The following NR2C1 variants were observed in gnomAD, a reference collection of about 807,000 sequenced individuals.
NR2C1 encodes nuclear receptor subfamily 2 group C member 1, also known as TR2 nuclear hormone receptor.
In NR2C1, 33 loss-of-function variants were observed where a neutral mutation model predicts 74.8. The ratio of observed to expected loss-of-function variants is 0.44; its 90% CI spans 0.33 to 0.59. NR2C1 has a LOEUF of 0.59. Among genes scored for constraint, NR2C1 ranks in the 20% least tolerant of loss-of-function variants. The pLI is 0.02. For missense variants in NR2C1, 568 were observed against 715.6 expected (o/e 0.79, Z 2.35); for synonymous variants, 225 against 240.6 (o/e 0.94, Z 0.60).
intron 1 of NR2C1, chr12:95,072,576 G>A (rs1400664078): frequency 1.3e-5 from 2 of 152,000 alleles, no homozygotes; most frequent in African/African-American, 2.4e-5. Flanking sequence ...AACCCTAAAG[G>A]CCGTAATTTT....
rs1159755483 is a variant in NR2C1, at chr12:95,020,899, T to C, written c.*1330A>G. 4 of 152,218 alleles carry C rather than the reference T, an allele frequency of 2.6e-5. No homozygotes were observed. Among genetic ancestry groups the C allele is most frequent in the African/African-American group, 9.6e-5 (4 of 41,474 alleles). 9.4% of individuals were successfully genotyped at this position (152,218 alleles called of 1,614,324 possible). A position where few individuals can be genotyped will look rare whatever the true frequency, so the allele number is the denominator to read the frequency against. ...TTGTTAAAGCAGCCCTCCCGTGCTT[T>C]ACAGTGAAAAAAATCAGTGAATATT... On this transcript the variant is annotated 3_prime_UTR_variant, in exon 14 of 14. Transcript: ENST00000333003.
At chr12:95,072,460 A>G (rs1288313139) in intron 1 of NR2C1, among the ~76,000 whole-genome samples, 1 of 149,980 alleles carries the variant, frequency 6.7e-6, no homozygotes, top group Admixed American at 6.6e-5. Flanking sequence ...CCTCTCAAAA[A>G]AAAAAAAAAA....
intron 12 of NR2C1, among the ~76,000 whole-genome samples, chr12:95,026,151 G>A (rs1869333136): frequency 1.3e-5 from 2 of 151,464 alleles, no homozygotes; most frequent in Non-Finnish European, 2.9e-5. Flanking sequence ...AGGTTGTGGT[G>A]AGCCGAGATT....
In NR2C1 at chr12:95,059,945, C is replaced by A. The variant is rs749663514; in HGVS notation, c.325G>T (p.Val109Phe). Reference sequence around the variant, plus strand: ...CCACATACTACGCAAAGATCAAAAACCTTATTTGGTCCTTGGTCTGGAGAA... The same window carrying A: ...CCACATACTACGCAAAGATCAAAAAACTTATTTGGTCCTTGGTCTGGAGAA... Reference protein sequence around the residue: ...DNSPDQGPNKVFDLCVVCGDK... With the variant: ...DNSPDQGPNKFFDLCVVCGDK... Residue 109 changes from valine (V) to phenylalanine (F), a missense_variant, in exon 4 of 14, where the codon GTT (valine) becomes TTT (phenylalanine). By Grantham distance (50) the Val-to-Phe change is conservative. Transcript: ENST00000333003. The A allele has an allele frequency of 3.8e-6, 6 of 1,560,128 alleles. No homozygotes were observed. Among genetic ancestry groups the A allele is most frequent in the African/African-American group, 2.9e-5 (2 of 69,000 alleles).
At chr12:95,058,887 C>T (rs376971120) in intron 4 of NR2C1, among the ~76,000 whole-genome samples, 17 of 152,234 alleles carry the variant, frequency 1.1e-4, no homozygotes, top group South Asian at 1.0e-3. Context: ...CCTCCACTCC[C>T]AAAGTGCTGG....
chr12:95,033,416 G>A (rs1006361194), intron 10 of NR2C1, among the ~76,000 whole-genome samples: 4 of 151,926 alleles, frequency 2.6e-5, no homozygotes, highest in African/African-American at 9.7e-5. Context: ...GGAGAAAGAT[G>A]GCAGAGAATT....
At chr12:95,065,239 G>A (rs1046429519) in intron 2 of NR2C1, among the ~76,000 whole-genome samples, 2 of 152,006 alleles carry the variant, frequency 1.3e-5, no homozygotes, top group East Asian at 3.9e-4. Context: ...CTGGAGTGCA[G>A]TGGTGCGATC....
Position 95,022,372 on chromosome 12 carries a change from A to G in NR2C1, c.1669T>C (p.Leu557=), listed in dbSNP as rs1194224562. The part of the protein sequence containing the change: ...LSRLLLRLPA[L]RLMNATITEE... ...GTGATGGTAGCATTCATCAGTCTTA[A>G]AGCTGGCAATCTGAGTAGTAGTCTG... is the stretch of plus-strand genomic sequence containing the variant. Residue 557 remains leucine (L), a synonymous_variant, in exon 14 of 14, where the codon TTA becomes CTA. Transcript: ENST00000333003. 1 of 1,613,018 alleles carries G rather than the reference A, an allele frequency of 6.2e-7. No homozygotes were observed.
At chr12:95,028,939 G>C (rs1869710565) in intron 11 of NR2C1, among the ~76,000 whole-genome samples, 1 of 151,698 alleles carries the variant, frequency 6.6e-6, no homozygotes, top group Admixed American at 6.6e-5. Flanking sequence ...TTCCTCTCAT[G>C]AATTTCAAGC....
rs184073248 is a variant in NR2C1 at position 95,039,032 on chromosome 12, C to T, written c.1253+1444G>A. Among the ~76,000 whole-genome samples, 118 of 152,146 alleles carry T rather than the reference C, an allele frequency of 7.8e-4. No homozygotes were observed. In the East Asian group the frequency reaches 0.013, roughly 16 times the overall value. On this transcript the variant is annotated intron_variant, in intron 10 of 13. Coordinates refer to ENST00000333003, the MANE Select transcript of NR2C1 (RefSeq NM_003297.4). The stretch of plus-strand genomic sequence containing the variant: ...GAGGATTGCTTGAGCCCAGGAGTTC[C>T]AGATCAGTCTCAATGACAGAGGAAG...
At chr12:95,026,201 C>G in intron 12 of NR2C1, among the ~76,000 whole-genome samples, 1 of 147,472 alleles carries the variant, frequency 6.8e-6, no homozygotes, top group African/African-American at 2.5e-5. Flanking sequence ...AGTGAGACTC[C>G]GTCTCCAAAA....
intron 1 of NR2C1, among the ~76,000 whole-genome samples, chr12:95,072,439 G>A (rs1203924647): frequency 1.6e-5 from 2 of 121,728 alleles, no homozygotes; most frequent in African/African-American, 6.7e-5. Context: ...GCGACAGTGA[G>A]ACTCCCTCTC....
At chr12:95,049,336 C>T (rs1872686610) in intron 8 of NR2C1, 103 bp from the exon 9 acceptor site, 2 of 1,235,084 alleles carry the variant, frequency 1.6e-6, no homozygotes, top group African/African-American at 3.0e-5. Flanking sequence ...AAAAACTGGC[C>T]AGGCTGGTCT....
chr12:95,032,523 A>G (rs1365357327), intron 10 of NR2C1, among the ~76,000 whole-genome samples: 1 of 151,962 alleles, frequency 6.6e-6, no homozygotes, highest in Non-Finnish European at 1.5e-5. Context: ...AGCCGAGCAT[A>G]GTGGCATGTG....
intron 8 of NR2C1, 117 bp downstream of exon 8, chr12:95,051,644 TA>T (rs1208427648): frequency 2.4e-6 from 2 of 827,770 alleles, no homozygotes; most frequent in Admixed American, 3.1e-5. Context: ...TGTATTTAGA[TA>T]ATCAACCTGT....
In NR2C1 at chr12:95,064,143, C is replaced by T. The variant is rs76558799; in HGVS notation, c.55-1405G>A. 4.8e-4 allele frequency among the ~76,000 whole-genome samples: 70 copies of T among 146,796 alleles called. 1 individual carries two copies. The East Asian group carries it at 0.013, about 28-fold the overall frequency. ...AGGAGATTGAGACCAACCTAGCTAA[C>T]ACAGTGAAATCCCGTCTCTACTAAA... is the stretch of plus-strand genomic sequence containing the variant. On this transcript the variant is annotated intron_variant, in intron 2 of 13. Coordinates refer to ENST00000333003, the MANE Select transcript of NR2C1 (RefSeq NM_003297.4).
chr12:95,024,276 G>A (rs1311376854), intron 13 of NR2C1, among the ~76,000 whole-genome samples: 1 of 152,094 alleles, frequency 6.6e-6, no homozygotes, highest in Non-Finnish European at 1.5e-5. Flanking sequence ...GACAGGCACA[G>A]TCCTAAGCAC....
chr12:95,030,410 A>G (rs1869930973), intron 11 of NR2C1: 1 of 1,276,496 alleles, frequency 7.8e-7, no homozygotes, highest in Admixed American at 3.6e-5. Flanking sequence ...GAAGCAGAAT[A>G]AAGTTTTACA....
chr12:95,037,849 C>T (rs891669912), intron 10 of NR2C1, among the ~76,000 whole-genome samples: 7 of 141,984 alleles, frequency 4.9e-5, no homozygotes, highest in Admixed American at 3.0e-4. Context: ...GAGCGGAGAT[C>T]GTGCCACTGC....
Sources: allele counts gnomAD v4.1 joint callset (sites outside exome capture counted in the v4.1 genomes callset), GRCh38; gene constraint gnomAD v4.1.1; transcripts MANE v1.5; gene names NCBI Gene and HGNC (gene_info 2026-07-23, HGNC 2026-07-21).